The following OPCML variants were observed in gnomAD, a reference collection of about 807,000 sequenced individuals.
The protein encoded by OPCML is opioid binding protein/cell adhesion molecule like.
A neutral mutation model predicts 37.8 loss-of-function variants in OPCML; 13 were observed. The ratio of observed to expected loss-of-function variants is 0.34; its 90% CI spans 0.22 to 0.55. The LOEUF (loss-of-function observed/expected upper bound fraction) is 0.55. Among genes scored for constraint, OPCML ranks in the 20% least tolerant of loss-of-function variants. The pLI, the probability that OPCML is intolerant of heterozygous loss-of-function variation, is 0.91. For synonymous variants in OPCML, 176 were observed against 168.8 expected, an observed-to-expected ratio of 1.04 and a Z score of -0.33; for missense variants, 341 against 435.6, an observed-to-expected ratio of 0.78 and a Z score of 1.93.
chr11:132,694,971 T>C (rs1404732637), intron 2 of OPCML, among the ~76,000 whole-genome samples: 1 of 152,150 alleles, frequency 6.6e-6, no homozygotes, highest in East Asian at 1.9e-4. Flanking sequence ...CATAAAAAAT[T>C]ATTGCCTAGC....
rs549274306 is a variant in OPCML at position 133,026,727 on chromosome 11, A to G, written c.62-83717T>C. ...TAATTCATCTGCAACAGTTGCCTGC[A>G]ATCAGTTTTGTCTTTCCCGCTAGTG... On this transcript the variant is annotated intron_variant, in intron 1 of 7. Transcript: ENST00000524381. Among the ~76,000 whole-genome samples the G allele has an allele frequency of 5.3e-5, 8 of 152,294 alleles. No homozygotes were observed. In the South Asian group the frequency reaches 1.5e-3, roughly 28 times the overall value.
At chr11:132,509,360 C>A (rs756405639) in intron 4 of OPCML, among the ~76,000 whole-genome samples, 8 of 151,912 alleles carry the variant, frequency 5.3e-5, no homozygotes, top group Non-Finnish European at 1.0e-4. Flanking sequence ...AAAAAAATTT[C>A]TAGGGAGAAA....
chr11:133,357,551 C>G (rs966670116), intron 1 of OPCML, among the ~76,000 whole-genome samples: 8 of 152,176 alleles, frequency 5.3e-5, no homozygotes, highest in African/African-American at 1.9e-4. Flanking sequence ...TCTTATCACT[C>G]CTTTTTAATC....
chr11:132,687,492 C>T (rs1476081684), intron 2 of OPCML, among the ~76,000 whole-genome samples: 1 of 142,530 alleles, frequency 7.0e-6, no homozygotes, highest in East Asian at 2.1e-4. Flanking sequence ...TAACATAAAT[C>T]CGATCTTCTT....
At chr11:133,162,842 C>T (rs559731004) in intron 1 of OPCML, among the ~76,000 whole-genome samples, 4 of 152,210 alleles carry the variant, frequency 2.6e-5, no homozygotes, top group African/African-American at 9.6e-5. Flanking sequence ...TACTGAAAAC[C>T]AAGAAATCCT....
chr11:132,617,730 T>A (rs1253944776), intron 3 of OPCML, among the ~76,000 whole-genome samples: 2 of 152,246 alleles, frequency 1.3e-5, no homozygotes, highest in African/African-American at 4.8e-5. Context: ...TTGTAGACAG[T>A]GCCATCTTGC....
intron 2 of OPCML, among the ~76,000 whole-genome samples, chr11:132,728,929 C>T (rs1037598298): frequency 1.3e-5 from 2 of 151,476 alleles, no homozygotes; most frequent in South Asian, 4.2e-4. Flanking sequence ...TGCTGGGCCC[C>T]AGTGAAAAAA....
At chr11:133,524,255 T>C (rs185083063) in intron 1 of OPCML, among the ~76,000 whole-genome samples, 12 of 152,356 alleles carry the variant, frequency 7.9e-5, no homozygotes, top group African/African-American at 2.2e-4. Flanking sequence ...TAGGCCAGAC[T>C]GCGATAAGTG....
At position 133,212,278 on chromosome 11, in the gene OPCML, C is replaced by T. The variant is rs533914117; in HGVS notation, c.62-269268G>A. On this transcript the variant is annotated intron_variant, in intron 1 of 7. Coordinates refer to ENST00000524381, the MANE Select transcript of OPCML (RefSeq NM_001012393.5). This position sits in a 1 kb window ranked among gnomAD's most constrained non-coding sequence, Gnocchi z 4.9. ...AAGTCCTCCTAATAGTCCGTGACAG[C>T]CTACACAGCTGGGCATCATCTACCG... 6.6e-6 allele frequency among the ~76,000 whole-genome samples: 1 copy of T among 152,314 alleles called. No homozygotes were observed. Among genetic ancestry groups the T allele is most frequent in the South Asian group, 2.1e-4 (1 of 4,826 alleles).
At chr11:133,249,957 G>GT (rs1941071584) in intron 1 of OPCML, among the ~76,000 whole-genome samples, 1 of 152,176 alleles carries the variant, frequency 6.6e-6, no homozygotes, top group Admixed American at 6.5e-5. Flanking sequence ...CACAATTCAG[G>GT]TTACTCTCCA....
At chr11:133,042,930 C>T (rs559705723) in intron 1 of OPCML, among the ~76,000 whole-genome samples, 4 of 152,188 alleles carry the variant, frequency 2.6e-5, no homozygotes, top group East Asian at 3.9e-4. Flanking sequence ...AATTAGGGGA[C>T]GAGATTAGCA....
chr11:132,492,916 A>G (rs572967270), intron 4 of OPCML, among the ~76,000 whole-genome samples: 1 of 152,252 alleles, frequency 6.6e-6, no homozygotes, highest in African/African-American at 2.4e-5. Flanking sequence ...GTACATTATA[A>G]ATACTTGATG....
intron 2 of OPCML, among the ~76,000 whole-genome samples, chr11:132,910,084 A>C (rs900624263): frequency 2.0e-5 from 3 of 152,198 alleles, no homozygotes; most frequent in East Asian, 1.9e-4. Flanking sequence ...TGAAAATAGA[A>C]ACCTTTCCTG....
intron 1 of OPCML, among the ~76,000 whole-genome samples, chr11:133,061,550 C>G (rs1437018051): frequency 6.6e-6 from 1 of 152,132 alleles, no homozygotes; most frequent in Non-Finnish European, 1.5e-5. Context: ...TTGATGTAAA[C>G]ACTAATATTT....
At chr11:132,549,632 G>A (rs1232741297) in intron 3 of OPCML, among the ~76,000 whole-genome samples, 1 of 152,174 alleles carries the variant, frequency 6.6e-6, no homozygotes, top group Non-Finnish European at 1.5e-5. Flanking sequence ...CTGTAAAGTC[G>A]AGCTGCAGAC....
intron 4 of OPCML, among the ~76,000 whole-genome samples, chr11:132,511,303 T>C (rs748869729): frequency 6.6e-6 from 1 of 152,152 alleles, no homozygotes; most frequent in Non-Finnish European, 1.5e-5. Flanking sequence ...GAAGAATATA[T>C]TTTAAGGCTT....
chr11:133,491,730 C>T (rs970421921), intron 1 of OPCML, among the ~76,000 whole-genome samples: 1 of 152,134 alleles, frequency 6.6e-6, no homozygotes, highest in African/African-American at 2.4e-5. Context: ...CCTTTTCTGG[C>T]CACAGGTCCT....
rs1467288719 is a variant in OPCML, at chr11:132,416,985, A to G, written c.*3208T>C. ...ATATGAACTCTGTTTTGGGAAGGGG[A>G]AGGGTTTCAGAGTCCCTACATTGCT... On this transcript the variant is annotated 3_prime_UTR_variant, in exon 8 of 8. Coordinates refer to ENST00000524381, the MANE Select transcript of OPCML (RefSeq NM_001012393.5). 2 of 152,526 alleles carry G rather than the reference A, an allele frequency of 1.3e-5. No individual in the cohort carries two copies. Among genetic ancestry groups the G allele is most frequent in the South Asian group, 2.1e-4 (1 of 4,816 alleles). The allele number at this position is 152,526 out of a possible 1,614,324, so 9.4% of individuals were successfully genotyped here.
At chr11:133,405,193 C>G (rs1184927089) in intron 1 of OPCML, among the ~76,000 whole-genome samples, 1 of 152,162 alleles carries the variant, frequency 6.6e-6, no homozygotes, top group African/African-American at 2.4e-5. Context: ...CTGGTCACCA[C>G]CCCCAGGAGA....
Sources: allele counts gnomAD v4.1 joint callset (sites outside exome capture counted in the v4.1 genomes callset), GRCh38; gene constraint gnomAD v4.1.1; non-coding constraint Gnocchi (gnomAD v3.1); transcripts MANE v1.5; gene names NCBI Gene and HGNC (gene_info 2026-07-23, HGNC 2026-07-21).